The following PTPRD variants were observed in gnomAD, a reference collection of about 807,000 sequenced individuals.
The protein encoded by PTPRD is protein tyrosine phosphatase receptor type D, also known as receptor-type tyrosine-protein phosphatase delta.
A neutral mutation model predicts 214.5 loss-of-function variants in PTPRD; 34 were observed. That is an observed-to-expected ratio of 0.16 (90% CI 0.12 to 0.21). PTPRD has a LOEUF of 0.21. Among genes scored for constraint, PTPRD ranks in the 10% least tolerant of loss-of-function variants. The probability of loss-of-function intolerance (pLI) is 1.00; values close to 1 mark genes in which losing one functional copy is unlikely to be tolerated. For synonymous variants in PTPRD, 1,128 were observed against 845.7 expected, an observed-to-expected ratio of 1.33 and a Z score of -5.79; for missense variants, 2,545 against 2,398.7, an observed-to-expected ratio of 1.06 and a Z score of -1.27.
At chr9:8,896,644 A>G (rs918730246) in intron 11 of PTPRD, among the ~76,000 whole-genome samples, 3 of 152,218 alleles carry the variant, frequency 2.0e-5, no homozygotes, top group Admixed American at 2.0e-4. Context: ...TAATTCTGAG[A>G]TAATATCATC....
At chr9:9,978,000 C>T (rs974219911) in intron 4 of PTPRD, among the ~76,000 whole-genome samples, 1 of 151,720 alleles carries the variant, frequency 6.6e-6, no homozygotes, top group Admixed American at 6.6e-5. Flanking sequence ...TGCTTCCAAT[C>T]AAACAATGAA....
chr9:9,631,222 T>TAAATAAATA (rs1231904436), intron 7 of PTPRD, among the ~76,000 whole-genome samples: 1 of 111,676 alleles, frequency 9.0e-6, no homozygotes, highest in African/African-American at 3.1e-5. Flanking sequence ...AATAAATAAA[T>TAAATAAATA]AAAAAGAAAA....
At chr9:10,390,490 C>A (rs925707479) in intron 2 of PTPRD, among the ~76,000 whole-genome samples, 1 of 151,760 alleles carries the variant, frequency 6.6e-6, no homozygotes, top group African/African-American at 2.4e-5. Context: ...TTTCTGCCCA[C>A]GAGTTTGCAG....
intron 7 of PTPRD, among the ~76,000 whole-genome samples, chr9:9,595,284 TATATTATATATA>T (rs1019575941): frequency 3.8e-3 from 11 of 2,894 alleles, no homozygotes; most frequent in African/African-American, 0.011. Flanking sequence ...GGATTATATA[TATATTATATATA>T]TATATATATA....
chr9:10,389,315 C>G (rs556029445), intron 2 of PTPRD, among the ~76,000 whole-genome samples: 15 of 151,818 alleles, frequency 9.9e-5, no homozygotes, highest in African/African-American at 2.9e-4. Context: ...AGAATTACTC[C>G]CTAGGAATAG....
At chr9:9,645,468 T>TATAC (rs1353767372) in intron 7 of PTPRD, among the ~76,000 whole-genome samples, 1 of 148,528 alleles carries the variant, frequency 6.7e-6, no homozygotes, top group Non-Finnish European at 1.5e-5. Flanking sequence ...TATATATATA[T>TATAC]ATATATATAT....
At chr9:8,592,830 A>G (rs762235225) in intron 14 of PTPRD, among the ~76,000 whole-genome samples, 5 of 152,264 alleles carry the variant, frequency 3.3e-5, no homozygotes, top group Non-Finnish European at 5.9e-5. Flanking sequence ...AGACTCAACG[A>G]GAAGATAACT....
At chr9:10,170,907 A>C (rs1468043361) in intron 3 of PTPRD, among the ~76,000 whole-genome samples, 3 of 152,176 alleles carry the variant, frequency 2.0e-5, no homozygotes, top group Non-Finnish European at 4.4e-5. Context: ...CACTGATTCA[A>C]GAACACACCC....
intron 11 of PTPRD, among the ~76,000 whole-genome samples, chr9:8,990,862 CT>C (rs2099363574): frequency 6.6e-6 from 1 of 152,030 alleles, no homozygotes; most frequent in Admixed American, 6.6e-5. Context: ...AGATTATACT[CT>C]TTTGGTCCAA....
At chr9:10,522,434 T>C (rs1369507872) in intron 2 of PTPRD, among the ~76,000 whole-genome samples, 1 of 152,156 alleles carries the variant, frequency 6.6e-6, no homozygotes. Context: ...CCTGTTTTAT[T>C]TTTTAAGACC....
chr9:10,262,752 G>A (rs977767621), intron 3 of PTPRD, among the ~76,000 whole-genome samples: 1 of 152,142 alleles, frequency 6.6e-6, no homozygotes, highest in African/African-American at 2.4e-5. Context: ...TTCACAGTGA[G>A]AGTCCACAGT....
At chr9:10,276,419 A>G (rs1269186177) in intron 3 of PTPRD, among the ~76,000 whole-genome samples, 1 of 152,222 alleles carries the variant, frequency 6.6e-6, no homozygotes. Flanking sequence ...ATGACAACTA[A>G]TTTCAGCCAT....
chr9:9,991,905 G>C (rs906707811), intron 4 of PTPRD, among the ~76,000 whole-genome samples: 2 of 150,736 alleles, frequency 1.3e-5, no homozygotes, highest in African/African-American at 2.4e-5. Context: ...AGAAAAGGTG[G>C]TATACACATT....
chr9:9,757,828 A>G (rs12555110), intron 6 of PTPRD, among the ~76,000 whole-genome samples: 8,456 of 152,144 alleles, frequency 0.056, 676 homozygotes, highest in East Asian at 0.38. Flanking sequence ...CTTACTCATC[A>G]TAACTAAGAA....
At chr9:9,861,226 CAGTGA>C (rs1192976492) in intron 5 of PTPRD, among the ~76,000 whole-genome samples, 1 of 152,116 alleles carries the variant, frequency 6.6e-6, no homozygotes, top group Non-Finnish European at 1.5e-5. Flanking sequence ...ACAGTTACTG[CAGTGA>C]GACTCACATG....
intron 10 of PTPRD, among the ~76,000 whole-genome samples, chr9:9,171,274 C>T (rs1264211983): frequency 2.6e-5 from 4 of 151,680 alleles, no homozygotes; most frequent in Non-Finnish European, 5.9e-5. Context: ...CAGATCAATT[C>T]ATTTTCCCTG....
chr9:9,779,358 T>C (rs2476588), intron 5 of PTPRD, among the ~76,000 whole-genome samples: 69,439 of 151,812 alleles, frequency 0.46, 16,323 homozygotes, highest in East Asian at 0.7. Context: ...ATAAGTGGCA[T>C]GGGATAAACT....
At chr9:10,582,832 G>A (rs1011818270) in intron 2 of PTPRD, among the ~76,000 whole-genome samples, 2 of 152,192 alleles carry the variant, frequency 1.3e-5, no homozygotes, top group African/African-American at 4.8e-5. Context: ...GTCATTAATG[G>A]TGTAAACTAA....
intron 4 of PTPRD, among the ~76,000 whole-genome samples, chr9:9,957,275 T>G (rs1490487996): frequency 6.6e-6 from 1 of 152,052 alleles, no homozygotes; most frequent in African/African-American, 2.4e-5. Flanking sequence ...CCAAATCATA[T>G]GGAATTCTGA....
Sources: gnomAD v4.1 joint callset for allele counts (sites outside exome capture counted in the v4.1 genomes callset) on GRCh38, gnomAD v4.1.1 for gene constraint, MANE v1.5 for transcripts, NCBI Gene and HGNC (gene_info 2026-07-23, HGNC 2026-07-21) for gene names.